HEATR5A: variants seen among roughly 807,000 people sequenced by gnomAD.
HEATR5A encodes HEAT repeat-containing protein 5A.
Under a neutral mutation model 218.8 loss-of-function variants are expected in HEATR5A, and 178 were observed. The ratio of observed to expected loss-of-function variants is 0.81; its 90% CI spans 0.72 to 0.92. The LOEUF is 0.92. Ranked by LOEUF, HEATR5A falls within the 40% of genes least tolerant of loss-of-function variation. The pLI, the probability that HEATR5A is intolerant of heterozygous loss-of-function variation, is 0.00. For synonymous variants in HEATR5A, 864 were observed against 871.6 expected, an observed-to-expected ratio of 0.99 and a Z score of 0.15; for missense variants, 2,420 against 2,418.9, an observed-to-expected ratio of 1.00 and a Z score of -0.01.
rs184903759 is a variant in HEATR5A at position 31,413,093 on chromosome 14, T to C, written c.-75+7379A>G. 1.3e-3 allele frequency among the ~76,000 whole-genome samples: 201 copies of C among 152,276 alleles called. 1 individual carries two copies. The highest frequency in any genetic ancestry group is 6.8e-3 in the Middle Eastern group (2 of 294). ...GGCACTAATACTTCTAATTGTAATA[T>C]ATAATGAAAACACATTCAGTGTACC... On this transcript the variant is annotated intron_variant, in intron 1 of 35. Coordinates refer to ENST00000543095, the MANE Select transcript of HEATR5A (RefSeq NM_015473.4).
intron 30 of HEATR5A, among the ~76,000 whole-genome samples, chr14:31,307,580 T>G (rs1045701091): frequency 6.6e-6 from 1 of 152,174 alleles, no homozygotes; most frequent in Non-Finnish European, 1.5e-5. Flanking sequence ...AAGCAGGGTA[T>G]GCAGAAGCAA....
rs781372355 is a variant in HEATR5A at position 31,383,676 on chromosome 14, G to A, written c.1441C>T (p.Pro481Ser). 1.3e-5 allele frequency: 21 copies of A among 1,613,812 alleles called. No individual in the cohort carries two copies. Among genetic ancestry groups the A allele is most frequent in the Non-Finnish European group, 1.8e-5 (21 of 1,179,882 alleles). The change falls in exon 10 of 36, where the codon CCC becomes TCC. Residue 481 changes from proline to serine, a missense_variant. By Grantham distance (74) the Pro-to-Ser change is moderately conservative. Coordinates refer to ENST00000543095, the MANE Select transcript of HEATR5A (RefSeq NM_015473.4). ...WCLHCIAVAL[P>S]SYLTPLLDRC... ...TCCAAGAGTGGTGTTAGGTAGGAGG[G>A]TAATGCCACGGCAATGCAGTGTAAA...
rs542946773 is a variant in HEATR5A, at chr14:31,321,575, A to G, written c.3893T>C (p.Val1298Ala). ...AACAGTTGCAAATCGCCGAATAACAACTAACAGCATTTCAAGGCCAGAAAG... is the reference window on the plus strand; with the variant it reads ...AACAGTTGCAAATCGCCGAATAACAGCTAACAGCATTTCAAGGCCAGAAAG... ...LRLSGLEMLL[V>A]VIRRFATVPE... Residue 1298 changes from valine to alanine, a missense_variant, in exon 25 of 36, where the codon GTT becomes GCT. By Grantham distance (64) the Val-to-Ala change is moderately conservative. Coordinates refer to ENST00000543095, the MANE Select transcript of HEATR5A (RefSeq NM_015473.4). The G allele has an allele frequency of 2.5e-6, 4 of 1,608,526 alleles. No individual in the cohort carries two copies. Among genetic ancestry groups the G allele is most frequent in the Non-Finnish European group, 3.4e-6 (4 of 1,177,518 alleles).
intron 12 of HEATR5A, among the ~76,000 whole-genome samples, chr14:31,373,992 T>C (rs1207901566): frequency 6.6e-6 from 1 of 152,174 alleles, no homozygotes. Flanking sequence ...AAGAATACAG[T>C]ATATAATATA....
rs552189995 is a variant in HEATR5A, at chr14:31,314,551, C to T, written c.4218+1219G>A. 7.2e-5 allele frequency among the ~76,000 whole-genome samples: 11 copies of T among 152,104 alleles called. No individual in the cohort carries two copies. The East Asian group carries it at 7.7e-4, about 11-fold the overall frequency. On this transcript the variant is annotated intron_variant, in intron 27 of 35. Transcript: ENST00000543095. ...GGATTACAGGTGTGAGCTACCGTGCCGGCCTAATTTATTTATTTTTAAAAT... is the reference window on the plus strand; with the variant it reads ...GGATTACAGGTGTGAGCTACCGTGCTGGCCTAATTTATTTATTTTTAAAAT...
chr14:31,327,891 TAACTC>T (rs1392684461), intron 22 of HEATR5A, among the ~76,000 whole-genome samples: 1 of 152,220 alleles, frequency 6.6e-6, no homozygotes, highest in Non-Finnish European at 1.5e-5. Context: ...CTTGAAGAGT[TAACTC>T]ATCTAGCATT....
At chr14:31,397,784 G>A (rs188452969) in intron 4 of HEATR5A, among the ~76,000 whole-genome samples, 15 of 152,050 alleles carry the variant, frequency 9.9e-5, no homozygotes, top group South Asian at 6.2e-4. Context: ...TCAGTCTTCC[G>A]AGGGGCTAGA....
chr14:31,312,902 A>C, intron 28 of HEATR5A, 66 bp downstream of exon 28: 1 of 1,259,700 alleles, frequency 7.9e-7, no homozygotes, highest in Non-Finnish European at 1.1e-6. Context: ...TGTCAAAAAC[A>C]AAAAAAAAGA....
intron 16 of HEATR5A, among the ~76,000 whole-genome samples, chr14:31,356,097 T>A (rs1354529659): frequency 6.6e-6 from 1 of 152,230 alleles, no homozygotes; most frequent in Non-Finnish European, 1.5e-5. Context: ...AAATATCATA[T>A]CTGGCATAAC....
intron 1 of HEATR5A, among the ~76,000 whole-genome samples, chr14:31,411,630 C>T (rs2031274949): frequency 1.3e-5 from 2 of 152,168 alleles, no homozygotes; most frequent in Non-Finnish European, 2.9e-5. Flanking sequence ...ATACATGTAA[C>T]ATGGTAATGT....
At chr14:31,351,722 C>T (rs1901238201) in intron 16 of HEATR5A, among the ~76,000 whole-genome samples, 1 of 151,948 alleles carries the variant, frequency 6.6e-6, no homozygotes, top group Non-Finnish European at 1.5e-5. Flanking sequence ...AGTGATCCTC[C>T]AGCCTCAGCC....
At chr14:31,358,535 GTTAT>G in intron 16 of HEATR5A, 98 bp downstream of exon 16, 1 of 1,042,262 alleles carries the variant, frequency 9.6e-7, no homozygotes, top group Non-Finnish European at 1.4e-6. Context: ...ACCTTCACCT[GTTAT>G]TTATAAGAAA....
At position 31,306,895 on chromosome 14, in the gene HEATR5A, T is replaced by C. The variant is rs375990603; in HGVS notation, c.4819-16A>G. On this transcript the variant is annotated splice_polypyrimidine_tract_variant and intron_variant, in intron 30 of 35. Coordinates refer to ENST00000543095, the MANE Select transcript of HEATR5A (RefSeq NM_015473.4). Reference sequence around the variant, plus strand: ...TACCCAAGTCCTATCATGGAAATCATGTACAGGACACTGTATTAGAAATTA... The same window carrying C: ...TACCCAAGTCCTATCATGGAAATCACGTACAGGACACTGTATTAGAAATTA... 4.5e-4 allele frequency: 704 copies of C among 1,577,900 alleles called. No homozygotes were observed. The highest frequency in any genetic ancestry group is 3.7e-3 in the Middle Eastern group (22 of 5,938).
At chr14:31,301,852 C>CT (rs568161249) in intron 33 of HEATR5A, among the ~76,000 whole-genome samples, 13 of 117,244 alleles carry the variant, frequency 1.1e-4, no homozygotes, top group African/African-American at 3.8e-4. Context: ...GAGTCTCGCT[C>CT]TGTTGTCCAG....
intron 7 of HEATR5A, 22 bp downstream of exon 7, chr14:31,388,823 G>C (rs2030336749): frequency 3.1e-6 from 5 of 1,603,854 alleles, no homozygotes; most frequent in East Asian, 2.2e-5. Flanking sequence ...GTTAGACTGA[G>C]ATACTGATTT....
At chr14:31,322,071 T>C (rs987922637) in intron 24 of HEATR5A, among the ~76,000 whole-genome samples, 3 of 152,212 alleles carry the variant, frequency 2.0e-5, no homozygotes, top group African/African-American at 7.2e-5. Context: ...TAAGACATAA[T>C]GTTCCTTTAA....
In HEATR5A at chr14:31,316,422, A is replaced by G. The variant is rs533456324; in HGVS notation, c.4039-473T>C. On this transcript the variant is annotated intron_variant, in intron 26 of 35. Coordinates refer to ENST00000543095, the MANE Select transcript of HEATR5A (RefSeq NM_015473.4). The stretch of plus-strand genomic sequence containing the variant: ...ATTGCTATTGCTTTCGAGAAATCCT[A>G]TGGAAGGAGACTGATAATGATAGTC... 8.5e-5 allele frequency among the ~76,000 whole-genome samples: 13 copies of G among 152,320 alleles called. No homozygotes were observed. The South Asian group carries it at 1.4e-3, about 17-fold the overall frequency.
intron 33 of HEATR5A, chr14:31,297,600 G>A (rs1899230910): frequency 6.6e-6 from 1 of 152,208 alleles, no homozygotes; most frequent in African/African-American, 2.4e-5. Context: ...AAGAGGCACA[G>A]TAGCAGTGAA....
intron 22 of HEATR5A, among the ~76,000 whole-genome samples, chr14:31,331,794 G>A (rs1283387312): frequency 1.3e-5 from 2 of 152,152 alleles, no homozygotes; most frequent in Non-Finnish European, 2.9e-5. Context: ...GAGTGTGTGT[G>A]AAGGAACTGA....
Sources: allele counts gnomAD v4.1 joint callset (sites outside exome capture counted in the v4.1 genomes callset), GRCh38; gene constraint gnomAD v4.1.1; transcripts MANE v1.5; gene names NCBI Gene and HGNC (gene_info 2026-07-23, HGNC 2026-07-21).